Variants in HMCN1 observed in about 807,000 individuals in gnomAD.
HMCN1 encodes hemicentin 1, also known as hemicentin-1.
A neutral mutation model predicts 625.9 loss-of-function variants in HMCN1; 321 were observed. The ratio of observed to expected loss-of-function variants is 0.51; its 90% CI spans 0.47 to 0.56. HMCN1 has a LOEUF of 0.56. HMCN1 is among the 20% of genes least tolerant of loss of function. HMCN1 has a pLI of 0.00. For synonymous variants in HMCN1, 2,425 were observed against 2,417.6 expected, an observed-to-expected ratio of 1.00 and a Z score of -0.09; for missense variants, 6,588 against 6,887.3, an observed-to-expected ratio of 0.96 and a Z score of 1.54.
Position 186,153,978 on chromosome 1 carries a change from A to G in HMCN1, c.15247A>G (p.Ile5083Val), listed in dbSNP as rs1194140675. Reference protein sequence around the residue: ...ETLGFKIHASISKGDRSNQCP... With the variant: ...ETLGFKIHASVSKGDRSNQCP... ...ACTGGGTTTTAAAATTCATGCTTCA[A>G]TATCCAAAGGTAATTTGATAAAAGA... The change falls in exon 97 of 107, where the codon ATA becomes GTA. Residue 5083 changes from isoleucine to valine, a missense_variant. Physicochemically the swap from Ile to Val is conservative, Grantham distance 29. Transcript: ENST00000271588. 1 of 1,610,314 alleles carries G rather than the reference A, an allele frequency of 6.2e-7. No homozygotes were observed. The highest frequency in any genetic ancestry group is 1.7e-5 in the Admixed American group (1 of 60,006).
At chr1:185,844,072 T>G (rs1661656264) in intron 1 of HMCN1, among the ~76,000 whole-genome samples, 1 of 152,204 alleles carries the variant, frequency 6.6e-6, no homozygotes, top group Non-Finnish European at 1.5e-5. Context: ...TTGGATTATT[T>G]CAGTATTATG....
In HMCN1 at chr1:186,117,516, C is replaced by T. The variant is rs764895324; in HGVS notation, c.11741C>T (p.Ala3914Val). 12 of 1,613,754 alleles carry T rather than the reference C, an allele frequency of 7.4e-6. No individual in the cohort carries two copies. The highest frequency in any genetic ancestry group is 2.2e-5 in the South Asian group (2 of 91,082). Reference protein sequence around the residue: ...TDFLVTKHAPAVITCTASGVP... With the variant: ...TDFLVTKHAPVVITCTASGVP... ...TTCCTAGTAACCAAACATGCCCCAGCAGTAATTACCTGCACTGCTTCGGGA... is the reference window on the plus strand; with the variant it reads ...TTCCTAGTAACCAAACATGCCCCAGTAGTAATTACCTGCACTGCTTCGGGA... The change falls in exon 77 of 107, where the codon GCA becomes GTA. Residue 3914 changes from alanine (A) to valine (V), a missense_variant. Coordinates refer to ENST00000271588, the MANE Select transcript of HMCN1 (RefSeq NM_031935.3).
At chr1:185,924,095 A>G (rs1667142007) in intron 8 of HMCN1, among the ~76,000 whole-genome samples, 1 of 151,658 alleles carries the variant, frequency 6.6e-6, no homozygotes, top group Non-Finnish European at 1.5e-5. Context: ...TTAATTGTAC[A>G]TTTGCTACTA....
At position 185,734,855 on chromosome 1, in the gene HMCN1, C is replaced by T. The variant is rs201562174; in HGVS notation, c.76C>T (p.Pro26Ser). 1.6e-4 allele frequency: 254 copies of T among 1,613,902 alleles called. No homozygotes were observed. The highest frequency in any genetic ancestry group is 2.3e-4 in the Admixed American group (14 of 60,010). Residue 26 changes from proline (P) to serine (S), a missense_variant, in exon 1 of 107, where the codon CCC becomes TCC. Coordinates refer to ENST00000271588, the MANE Select transcript of HMCN1 (RefSeq NM_031935.3). ...LYSSLAQDAS[P>S]QSEIRAEEIP... ...TTCTTCCCTAGCTCAAGATGCGAGC[C>T]CCCAGTCAGAGATCAGAGCTGAGGA...
intron 97 of HMCN1, 97 bp from the exon 98 acceptor site, chr1:186,165,014 A>G: frequency 9.4e-7 from 1 of 1,062,644 alleles, no homozygotes; most frequent in Non-Finnish European, 1.5e-6. Context: ...CATGTGTTTC[A>G]TCTTTGGCAT....
chr1:186,145,993 AT>A, intron 93 of HMCN1, 70 bp downstream of exon 93: 1 of 1,491,624 alleles, frequency 6.7e-7, no homozygotes. Context: ...GGTGCCACAA[AT>A]TACAAAACAA....
At chr1:186,141,939 C>G (rs1412273199) in intron 89 of HMCN1, among the ~76,000 whole-genome samples, 1 of 152,166 alleles carries the variant, frequency 6.6e-6, no homozygotes, top group Admixed American at 6.5e-5. Flanking sequence ...CATAGTGTAA[C>G]AAATTGAGTT....
chr1:185,745,866 G>A (rs761372485), intron 1 of HMCN1, among the ~76,000 whole-genome samples: 6 of 152,154 alleles, frequency 3.9e-5, no homozygotes, highest in Non-Finnish European at 7.3e-5. Context: ...ATCATCCAAG[G>A]AGAGAGTGCA....
At position 185,795,878 on chromosome 1, in the gene HMCN1, G is replaced by T. The variant is rs540650471; in HGVS notation, c.269-50148G>T. ...CTAGCACATACTACATAGCAGATAC[G>T]TGCTAAAAGTTTGTTGATCAATGAA... is the stretch of plus-strand genomic sequence containing the variant. On this transcript the variant is annotated intron_variant, in intron 1 of 106. Coordinates refer to ENST00000271588, the MANE Select transcript of HMCN1 (RefSeq NM_031935.3). 9.9e-5 allele frequency among the ~76,000 whole-genome samples: 15 copies of T among 152,278 alleles called. No homozygotes were observed. In the South Asian group the frequency reaches 3.1e-3, roughly 32 times the overall value.
chr1:185,842,165 A>T lies in HMCN1; in HGVS notation c.269-3861A>T, dbSNP rs765880253. 2.6e-5 allele frequency among the ~76,000 whole-genome samples: 4 copies of T among 152,134 alleles called. No homozygotes were observed. In the South Asian group the frequency reaches 8.3e-4, roughly 31 times the overall value. ...TGTGTATCTACACTTTTATCTCACT[A>T]GACTGGTGAGACTTTGAGGACAGGG... On this transcript the variant is annotated intron_variant, in intron 1 of 106. Transcript: ENST00000271588.
chr1:185,776,623 G>A (rs537106624), intron 1 of HMCN1, among the ~76,000 whole-genome samples: 3 of 152,136 alleles, frequency 2.0e-5, no homozygotes, highest in Non-Finnish European at 4.4e-5. Context: ...TGCTGGGGAT[G>A]AATTGTTTTG....
rs58164381 is a variant in HMCN1, at chr1:185,924,215, C to CTTTTTTTTTTTTTTTTT, written c.1285+579_1285+595dup. Reference sequence around the variant, plus strand: ...GCTCATGACTGAACTCTGACCCAATCTTTTTTTTTTTTTTTTTTTTTTTTT... The same window carrying CTTTTTTTTTTTTTTTTT: ...GCTCATGACTGAACTCTGACCCAATCTTTTTTTTTTTTTTTTTTTTTTTTTTTTTTTTTTTTTTTTTT... On this transcript the variant is annotated intron_variant, in intron 8 of 106. Transcript: ENST00000271588. Among the ~76,000 whole-genome samples, 6 of 43,626 alleles carry CTTTTTTTTTTTTTTTTT rather than the reference C, an allele frequency of 1.4e-4. 2 individuals are homozygous for CTTTTTTTTTTTTTTTTT. Among genetic ancestry groups the CTTTTTTTTTTTTTTTTT allele is most frequent in the African/African-American group, 5.3e-4 (6 of 11,296 alleles). The allele number at this position is 43,626 out of a possible 152,430, so 28.6% of individuals were successfully genotyped here.
At chr1:186,071,338 T>C (rs1301782484) in intron 52 of HMCN1, among the ~76,000 whole-genome samples, 1 of 152,180 alleles carries the variant, frequency 6.6e-6, no homozygotes, top group African/African-American at 2.4e-5. Flanking sequence ...CCAGTACAGT[T>C]AACTGGGAAC....
chr1:185,777,538 G>GCCT (rs1354003670), intron 1 of HMCN1, among the ~76,000 whole-genome samples: 1 of 151,356 alleles, frequency 6.6e-6, no homozygotes, highest in African/African-American at 2.4e-5. Context: ...TACCATCTCC[G>GCCT]CCTCCTGGCT....
chr1:186,038,081 G>A, intron 37 of HMCN1, 46 bp downstream of exon 37: 1 of 1,255,408 alleles, frequency 8.0e-7, no homozygotes, highest in Non-Finnish European at 1.2e-6. Context: ...TAAGATTTCT[G>A]GGAATAACTG....
chr1:185,773,772 T>C (rs1656408942), intron 1 of HMCN1, among the ~76,000 whole-genome samples: 1 of 152,134 alleles, frequency 6.6e-6, no homozygotes, highest in Non-Finnish European at 1.5e-5. Context: ...AGTAAAGTAT[T>C]GAACATGTAG....
intron 1 of HMCN1, among the ~76,000 whole-genome samples, chr1:185,768,927 G>A (rs1656049786): frequency 6.6e-6 from 1 of 152,060 alleles, no homozygotes; most frequent in African/African-American, 2.4e-5. Context: ...TAGAAAAGAC[G>A]AAAAGAGATA....
chr1:186,084,890 C>T (rs762159226), intron 57 of HMCN1, among the ~76,000 whole-genome samples: 20 of 151,958 alleles, frequency 1.3e-4, no homozygotes, highest in Non-Finnish European at 2.6e-4. Flanking sequence ...GTGAAAAAGG[C>T]GAGGCTCGGT....
At chr1:185,937,882 AAATAAT>A (rs200950894) in intron 11 of HMCN1, among the ~76,000 whole-genome samples, 2,628 of 142,616 alleles carry the variant, frequency 0.018, 56 homozygotes, top group African/African-American at 0.047. Flanking sequence ...CTCCATCTCA[AAATAAT>A]AATAATAATA....
Sources: allele counts gnomAD v4.1 joint callset (sites outside exome capture counted in the v4.1 genomes callset), GRCh38; gene constraint gnomAD v4.1.1; transcripts MANE v1.5; gene names NCBI Gene and HGNC (gene_info 2026-07-23, HGNC 2026-07-21).